The following CREB5 variants were observed in gnomAD, a reference collection of about 807,000 sequenced individuals.
CREB5 encodes the protein cAMP responsive element binding protein 5.
A neutral mutation model predicts 57.1 loss-of-function variants in CREB5; 19 were observed. The ratio of observed to expected loss-of-function variants is 0.33; its 90% CI spans 0.23 to 0.49. The LOEUF (loss-of-function observed/expected upper bound fraction) is 0.49. CREB5 is among the 20% of genes least tolerant of loss of function. The pLI is 0.99. For synonymous variants in CREB5, 238 were observed against 238.3 expected (o/e 1.00, Z 0.01); for missense variants, 579 against 671.6 (o/e 0.86, Z 1.52).
At chr7:28,629,237 A>G (rs1413172722) in intron 5 of CREB5, among the ~76,000 whole-genome samples, 1 of 152,248 alleles carries the variant, frequency 6.6e-6, no homozygotes, top group Non-Finnish European at 1.5e-5. Context: ...ATCCACTGGC[A>G]TATGTTTAAA....
intron 9 of CREB5, among the ~76,000 whole-genome samples, chr7:28,810,089 C>T (rs1283806015): frequency 6.6e-6 from 1 of 151,962 alleles, no homozygotes; most frequent in African/African-American, 2.4e-5. Context: ...TATAATGAGG[C>T]CCAGAAGTGT....
At chr7:28,486,872 A>G (rs1791578180) in intron 1 of CREB5, among the ~76,000 whole-genome samples, 1 of 151,438 alleles carries the variant, frequency 6.6e-6, no homozygotes, top group Non-Finnish European at 1.5e-5. Context: ...TGGGAGGCCA[A>G]GATGAGAGGA....
At chr7:28,818,782 C>T (rs1052296058) in intron 10 of CREB5, 10 of 479,484 alleles carry the variant, frequency 2.1e-5, no homozygotes, top group African/African-American at 1.8e-4. Context: ...CAGATTCTCC[C>T]ACCACATGTG....
At chr7:28,483,862 G>T (rs1055223417) in intron 1 of CREB5, among the ~76,000 whole-genome samples, 1 of 152,068 alleles carries the variant, frequency 6.6e-6, no homozygotes, top group Non-Finnish European at 1.5e-5. Context: ...TTCTTCTCTG[G>T]CCATAACTGT....
intron 1 of CREB5, among the ~76,000 whole-genome samples, chr7:28,421,688 A>G (rs1583442673): frequency 6.6e-6 from 1 of 151,710 alleles, no homozygotes; most frequent in East Asian, 1.9e-4. Flanking sequence ...CCATTTGAAA[A>G]TGCATTTGAC....
chr7:28,452,992 T>C (rs537736345), intron 1 of CREB5, among the ~76,000 whole-genome samples: 1 of 152,346 alleles, frequency 6.6e-6, no homozygotes, highest in South Asian at 2.1e-4. Context: ...CAGCTGTGAA[T>C]GTGCAGCCCG....
At chr7:28,377,936 AAAAAAAAAAC>A (rs1207635472) in intron 1 of CREB5, among the ~76,000 whole-genome samples, 3 of 150,276 alleles carry the variant, frequency 2.0e-5, no homozygotes, top group Non-Finnish European at 4.4e-5. Flanking sequence ...TATCTCAAAA[AAAAAAAAAAC>A]AAAAAAGAAA....
intron 5 of CREB5, among the ~76,000 whole-genome samples, chr7:28,655,980 A>G (rs1799318064): frequency 6.6e-6 from 1 of 152,200 alleles, no homozygotes; most frequent in South Asian, 2.1e-4. Context: ...AAAGGCAGGG[A>G]AAAAAAGCCA....
At chr7:28,806,486 C>A (rs1209450931) in intron 8 of CREB5, among the ~76,000 whole-genome samples, 3 of 152,136 alleles carry the variant, frequency 2.0e-5, no homozygotes, top group Non-Finnish European at 4.4e-5. Context: ...GGAATAAAAT[C>A]TGCCTTTTTG....
At chr7:28,660,847 G>A (rs1259314902) in intron 5 of CREB5, among the ~76,000 whole-genome samples, 1 of 152,102 alleles carries the variant, frequency 6.6e-6, no homozygotes, top group Admixed American at 6.6e-5. Flanking sequence ...ACTGCCTGCA[G>A]GGTTTTTCTC....
chr7:28,331,349 C>A (rs1562660430), intron 1 of CREB5, among the ~76,000 whole-genome samples: 1 of 152,098 alleles, frequency 6.6e-6, no homozygotes, highest in African/African-American at 2.4e-5. Flanking sequence ...AATTTCCTCT[C>A]CATCTCATGA....
At chr7:28,419,898 A>T (rs1788173896) in intron 1 of CREB5, among the ~76,000 whole-genome samples, 1 of 152,222 alleles carries the variant, frequency 6.6e-6, no homozygotes, top group African/African-American at 2.4e-5. Context: ...GATGACTAAC[A>T]ACCACCATTC....
chr7:28,396,087 T>C (rs1310484015), intron 1 of CREB5, among the ~76,000 whole-genome samples: 1 of 152,236 alleles, frequency 6.6e-6, no homozygotes, highest in African/African-American at 2.4e-5. Flanking sequence ...CAAATGAGCA[T>C]GACGACTGAG....
At chr7:28,729,213 C>T (rs950214401) in intron 7 of CREB5, among the ~76,000 whole-genome samples, 1 of 152,176 alleles carries the variant, frequency 6.6e-6, no homozygotes, top group Non-Finnish European at 1.5e-5. Flanking sequence ...CTTCTTTTCA[C>T]AAGTGAGGAC....
chr7:28,504,397 T>C (rs1792390871), intron 3 of CREB5, among the ~76,000 whole-genome samples: 1 of 152,170 alleles, frequency 6.6e-6, no homozygotes, highest in African/African-American at 2.4e-5. Context: ...TGGCGGATGC[T>C]CCATTGGTGC....
chr7:28,641,362 G>C (rs1456934921), intron 5 of CREB5, among the ~76,000 whole-genome samples: 2 of 152,108 alleles, frequency 1.3e-5, no homozygotes, highest in Non-Finnish European at 2.9e-5. Context: ...GGAAAGCGTG[G>C]AACCAAGAAA....
rs1554281527 is a variant in CREB5 at position 28,658,953 on chromosome 7, G to GTATATATATATATATATATATATGTGTA, written c.465-59777_465-59776insGTGTATATATATATATATATATATATAT. 8.7e-4 allele frequency among the ~76,000 whole-genome samples: 87 copies of GTATATATATATATATATATATATGTGTA among 99,594 alleles called. 1 individual carries two copies. The highest frequency in any genetic ancestry group is 2.6e-3 in the African/African-American group (78 of 30,476). 65.3% of individuals were successfully genotyped at this position (99,594 alleles called of 152,430 possible). On this transcript the variant is annotated intron_variant, in intron 5 of 10. Transcript: ENST00000357727. ...CACTAAATATTATATGTGTGTGTGT[G>GTATATATATATATATATATATATGTGTA]TATATATATATATATATATATATAT...
chr7:28,698,937 T>C (rs970899920), intron 5 of CREB5, among the ~76,000 whole-genome samples: 1 of 152,222 alleles, frequency 6.6e-6, no homozygotes, highest in Non-Finnish European at 1.5e-5. Flanking sequence ...TTTTACTAGC[T>C]ATGCCTTTTA....
chr7:28,512,386 C>T (rs77385020), intron 4 of CREB5, among the ~76,000 whole-genome samples: 1,614 of 152,242 alleles, frequency 0.011, 20 homozygotes, highest in African/African-American at 0.034. Context: ...CACTCCCCTC[C>T]GTGGTCAGAG....
Sources: gnomAD v4.1 joint callset for allele counts (sites outside exome capture counted in the v4.1 genomes callset) on GRCh38, gnomAD v4.1.1 for gene constraint, MANE v1.5 for transcripts, NCBI Gene and HGNC (gene_info 2026-07-23, HGNC 2026-07-21) for gene names.